KCNB2: variants seen among roughly 807,000 people sequenced by gnomAD.
The protein encoded by KCNB2 is delayed rectifier potassium channel protein.
Under a neutral mutation model 61.5 loss-of-function variants are expected in KCNB2, and 15 were observed. That is an observed-to-expected ratio of 0.24 (90% CI 0.16 to 0.38). KCNB2 has a LOEUF of 0.38. KCNB2 is among the 10% of genes least tolerant of loss of function. The probability of loss-of-function intolerance (pLI) is 1.00; values close to 1 mark genes in which losing one functional copy is unlikely to be tolerated. For synonymous variants in KCNB2, 457 were observed against 446.0 expected, an observed-to-expected ratio of 1.02 and a Z score of -0.31; for missense variants, 828 against 1,125.2, an observed-to-expected ratio of 0.74 and a Z score of 3.78.
intron 2 of KCNB2, among the ~76,000 whole-genome samples, chr8:72,701,194 T>C (rs1435621733): frequency 1.3e-5 from 2 of 152,142 alleles, no homozygotes. Flanking sequence ...CCATGAAATA[T>C]ACCTGCACAA....
chr8:72,846,293 C>T (rs1809992679), intron 2 of KCNB2, among the ~76,000 whole-genome samples: 1 of 152,072 alleles, frequency 6.6e-6, no homozygotes, highest in African/African-American at 2.4e-5. Context: ...CTAACCACTC[C>T]CAATGAGATG....
chr8:72,775,915 G>A (rs527679625), intron 2 of KCNB2, among the ~76,000 whole-genome samples: 18 of 152,134 alleles, frequency 1.2e-4, no homozygotes, highest in Non-Finnish European at 1.3e-4. Flanking sequence ...ATACCCAAAC[G>A]ATTATAAATC....
intron 2 of KCNB2, among the ~76,000 whole-genome samples, chr8:72,730,251 G>A (rs764853783): frequency 8.5e-5 from 13 of 152,104 alleles, no homozygotes; most frequent in Non-Finnish European, 1.5e-4. Flanking sequence ...TTTTGCTTTC[G>A]ATGCATCTCC....
chr8:72,835,975 T>A (rs1021827890), intron 2 of KCNB2, among the ~76,000 whole-genome samples: 1 of 152,220 alleles, frequency 6.6e-6, no homozygotes, highest in South Asian at 2.1e-4. Flanking sequence ...TTTGTAATAA[T>A]TCATATTTAA....
At chr8:72,904,995 T>C (rs2129006894) in intron 2 of KCNB2, among the ~76,000 whole-genome samples, 1 of 152,242 alleles carries the variant, frequency 6.6e-6, no homozygotes, top group Non-Finnish European at 1.5e-5. Context: ...CAGCTATAAG[T>C]GAACTCTTCC....
At chr8:72,818,030 T>C (rs1383285884) in intron 2 of KCNB2, among the ~76,000 whole-genome samples, 1 of 152,160 alleles carries the variant, frequency 6.6e-6, no homozygotes, top group East Asian at 1.9e-4. Context: ...TAAAGAATTA[T>C]GGAAAGAGGC....
At chr8:72,725,587 GTA>G (rs1255717006) in intron 2 of KCNB2, among the ~76,000 whole-genome samples, 27 of 25,218 alleles carry the variant, frequency 1.1e-3, no homozygotes, top group African/African-American at 2.7e-3. Flanking sequence ...ATATATATAT[GTA>G]TGTATATATA....
intron 2 of KCNB2, among the ~76,000 whole-genome samples, chr8:72,781,362 T>G (rs1808752005): frequency 6.6e-6 from 1 of 152,184 alleles, no homozygotes; most frequent in African/African-American, 2.4e-5. Flanking sequence ...CACACTGAAG[T>G]CTTTAATTTA....
intron 2 of KCNB2, among the ~76,000 whole-genome samples, chr8:72,907,362 CA>C (rs1156607151): frequency 5.9e-5 from 9 of 151,572 alleles, no homozygotes; most frequent in Admixed American, 5.3e-4. Flanking sequence ...TCTCAAAAAA[CA>C]AAAAACAAAA....
intron 2 of KCNB2, among the ~76,000 whole-genome samples, chr8:72,891,918 A>G (rs1805902142): frequency 6.6e-6 from 1 of 152,106 alleles, no homozygotes; most frequent in African/African-American, 2.4e-5. Flanking sequence ...CTTTTGATGG[A>G]TGACTGGTCA....
chr8:72,621,311 A>T (rs1805709894), intron 2 of KCNB2, among the ~76,000 whole-genome samples: 1 of 152,170 alleles, frequency 6.6e-6, no homozygotes, highest in African/African-American at 2.4e-5. Context: ...GGTAGTCAAG[A>T]TCCGCAGAAG....
chr8:72,581,607 C>G (rs1400006277), intron 2 of KCNB2, among the ~76,000 whole-genome samples: 2 of 152,120 alleles, frequency 1.3e-5, no homozygotes, highest in Non-Finnish European at 2.9e-5. Context: ...GCGATTAGAC[C>G]TGAGTAATGC....
chr8:72,840,205 C>G (rs1284176545), intron 2 of KCNB2, among the ~76,000 whole-genome samples: 1 of 152,124 alleles, frequency 6.6e-6, no homozygotes, highest in Non-Finnish European at 1.5e-5. Flanking sequence ...ACGATGGTTT[C>G]CACCTTCATT....
chr8:72,571,572 G>T (rs566330659), intron 2 of KCNB2, among the ~76,000 whole-genome samples: 5 of 152,166 alleles, frequency 3.3e-5, no homozygotes, highest in Non-Finnish European at 7.3e-5. Flanking sequence ...TTGGCAATGG[G>T]ACACAGGTTT....
intron 2 of KCNB2, among the ~76,000 whole-genome samples, chr8:72,869,867 G>T (rs939681474): frequency 6.6e-6 from 1 of 152,086 alleles, no homozygotes; most frequent in African/African-American, 2.4e-5. Context: ...TTAAAATCAG[G>T]ATTTCAAGGT....
intron 2 of KCNB2, among the ~76,000 whole-genome samples, chr8:72,928,192 T>G (rs934744608): frequency 1.6e-4 from 16 of 100,644 alleles, no homozygotes; most frequent in Non-Finnish European, 2.4e-4. Flanking sequence ...ACTTTCTTTC[T>G]TTTTTTTTTT....
intron 2 of KCNB2, among the ~76,000 whole-genome samples, chr8:72,770,868 G>A (rs1332307100): frequency 1.3e-5 from 2 of 152,212 alleles, no homozygotes; most frequent in Non-Finnish European, 2.9e-5. Flanking sequence ...GAACTGAGTC[G>A]ATAGCCAAAC....
chr8:72,599,087 G>GA (rs1240488669), intron 2 of KCNB2, among the ~76,000 whole-genome samples: 1 of 152,068 alleles, frequency 6.6e-6, no homozygotes, highest in Non-Finnish European at 1.5e-5. Context: ...CACAGAATTA[G>GA]AAAAAAACTA....
intron 2 of KCNB2, among the ~76,000 whole-genome samples, chr8:72,743,347 A>G (rs1447702794): frequency 6.6e-6 from 1 of 152,234 alleles, no homozygotes; most frequent in Non-Finnish European, 1.5e-5. Flanking sequence ...GAGAGAAAAC[A>G]CATGACTACT....
Sources: allele counts gnomAD v4.1 joint callset (sites outside exome capture counted in the v4.1 genomes callset), GRCh38; gene constraint gnomAD v4.1.1; transcripts MANE v1.5; gene names NCBI Gene and HGNC (gene_info 2026-07-23, HGNC 2026-07-21).